COL23A1: variants seen among roughly 807,000 people sequenced by gnomAD.
The protein encoded by COL23A1 is collagen type XXIII alpha 1 chain.
COL23A1 carries 97 observed loss-of-function variants against 99.3 expected under a neutral mutation model. The ratio of observed to expected loss-of-function variants is 0.98; its 90% CI spans 0.83 to 1.16. The LOEUF (loss-of-function observed/expected upper bound fraction) is 1.16, where lower values mean the gene tolerates loss of function less well. Ranked by LOEUF, COL23A1 falls within the 50% of genes most tolerant of loss-of-function variation. The pLI, the probability that COL23A1 is intolerant of heterozygous loss-of-function variation, is 0.00. For synonymous variants in COL23A1, 320 were observed against 308.2 expected, an observed-to-expected ratio of 1.04 and a Z score of -0.40; for missense variants, 762 against 757.4, an observed-to-expected ratio of 1.01 and a Z score of -0.07.
intron 2 of COL23A1, among the ~76,000 whole-genome samples, chr5:178,379,874 T>A (rs1763284440): frequency 7.6e-6 from 1 of 130,786 alleles, no homozygotes; most frequent in East Asian, 2.2e-4. Flanking sequence ...AGAGCGAAAC[T>A]CCATCTCAAA....
At chr5:178,295,778 C>T (rs186369115) in intron 3 of COL23A1, among the ~76,000 whole-genome samples, 4 of 152,342 alleles carry the variant, frequency 2.6e-5, no homozygotes, top group Admixed American at 1.3e-4. Flanking sequence ...GAATACTATG[C>T]AGCCATGAAA....
chr5:178,518,045 C>G (rs1371096043), intron 2 of COL23A1, among the ~76,000 whole-genome samples: 3 of 128,280 alleles, frequency 2.3e-5, no homozygotes, highest in Non-Finnish European at 4.7e-5. Context: ...ACCCTGCGGC[C>G]TTCCGCAGTG....
intron 2 of COL23A1, among the ~76,000 whole-genome samples, chr5:178,503,664 GGA>G (rs1192941207): frequency 3.9e-5 from 6 of 151,998 alleles, no homozygotes; most frequent in African/African-American, 7.2e-5. Context: ...AGGGAGGGAG[GGA>G]GAGAGAGATA....
At chr5:178,356,610 C>T (rs1241667771) in intron 2 of COL23A1, among the ~76,000 whole-genome samples, 2 of 145,618 alleles carry the variant, frequency 1.4e-5, no homozygotes, top group East Asian at 2.0e-4. Context: ...GGAGAGAAGG[C>T]GAGACACAGG....
chr5:178,386,420 G>A (rs1303784897), intron 2 of COL23A1, among the ~76,000 whole-genome samples: 1 of 148,482 alleles, frequency 6.7e-6, no homozygotes, highest in Non-Finnish European at 1.5e-5. Flanking sequence ...GCTTGGCAGA[G>A]AGAGCGAGAC....
chr5:178,390,342 G>A (rs1763901108), intron 2 of COL23A1, among the ~76,000 whole-genome samples: 1 of 152,224 alleles, frequency 6.6e-6, no homozygotes, highest in African/African-American at 2.4e-5. Context: ...GGACAGCAGG[G>A]AGCAAGGAGG....
intron 27 of COL23A1, among the ~76,000 whole-genome samples, chr5:178,240,493 C>A (rs1764335477): frequency 6.6e-6 from 1 of 152,212 alleles, no homozygotes; most frequent in Admixed American, 6.5e-5. Context: ...CTCGCAGGGC[C>A]CCGCCAGCCT....
rs933015256 is a variant in COL23A1, at chr5:178,308,727, C to T, written c.362-1808G>A. Among the ~76,000 whole-genome samples, 2 of 152,162 alleles carry T rather than the reference C, an allele frequency of 1.3e-5. No individual in the cohort carries two copies. Among genetic ancestry groups the T allele is most frequent in the South Asian group, 2.1e-4 (1 of 4,834 alleles). Reference sequence around the variant, plus strand: ...TTGGTCTCCTCCCCAGTGCCCTGTGCGGGGCTGATGGTGCCTGGGAACCTC... The same window carrying T: ...TTGGTCTCCTCCCCAGTGCCCTGTGTGGGGCTGATGGTGCCTGGGAACCTC... On this transcript the variant is annotated intron_variant, in intron 2 of 28. Transcript: ENST00000390654. This position sits in a 1 kb window ranked among gnomAD's most constrained non-coding sequence, Gnocchi z 5.1.
At chr5:178,530,441 G>A (rs62391088) in intron 2 of COL23A1, among the ~76,000 whole-genome samples, 4,294 of 152,152 alleles carry the variant, frequency 0.028, 125 homozygotes, top group Admixed American at 0.086. Context: ...AAGTCTGGGT[G>A]ACAGAGAAAG....
intron 2 of COL23A1, among the ~76,000 whole-genome samples, chr5:178,490,532 C>T (rs2127968364): frequency 6.6e-6 from 1 of 151,866 alleles, no homozygotes; most frequent in Middle Eastern, 3.4e-3. Context: ...GTGATGGCTG[C>T]ACAATACTGT....
rs1562025559 is a variant in COL23A1, at chr5:178,498,234, ATATATATATATATATATATAT to A, written c.361+62427_361+62447del. ...TATATATATATATATATATATATAT[ATATATATATATATATATATAT>A]ATAAAAGAACTTAAAAATAAAAAAA... On this transcript the variant is annotated intron_variant, in intron 2 of 28. Transcript: ENST00000390654. Among the ~76,000 whole-genome samples, 367 of 58,722 alleles carry A rather than the reference ATATATATATATATATATATAT, an allele frequency of 6.2e-3. 16 individuals carry two copies. Among genetic ancestry groups the A allele is most frequent in the East Asian group, 0.062 (83 of 1,330 alleles). 38.5% of individuals were successfully genotyped at this position (58,722 alleles called of 152,430 possible).
chr5:178,580,034 TA>T (rs1763580473), intron 1 of COL23A1, among the ~76,000 whole-genome samples: 1 of 151,948 alleles, frequency 6.6e-6, no homozygotes, highest in Non-Finnish European at 1.5e-5. Context: ...GTTGAGAAAC[TA>T]GAGGACATGA....
intron 1 of COL23A1, among the ~76,000 whole-genome samples, chr5:178,576,433 C>T (rs1763362332): frequency 6.6e-6 from 1 of 152,188 alleles, no homozygotes; most frequent in Admixed American, 6.5e-5. Context: ...CGGGGTTTCG[C>T]CATACTGGCG....
At chr5:178,382,573 G>T (rs879814597) in intron 2 of COL23A1, among the ~76,000 whole-genome samples, 5 of 152,154 alleles carry the variant, frequency 3.3e-5, no homozygotes, top group African/African-American at 1.2e-4. Flanking sequence ...TGGCCAGAGT[G>T]GGGGGTGAGG....
intron 1 of COL23A1, among the ~76,000 whole-genome samples, chr5:178,585,390 C>A (rs544693603): frequency 1.3e-5 from 2 of 150,378 alleles, no homozygotes; most frequent in East Asian, 2.0e-4. Context: ...TAACACTCCG[C>A]GGCCCTGACT....
chr5:178,543,029 C>A (rs1019198756), intron 2 of COL23A1, among the ~76,000 whole-genome samples: 5 of 151,828 alleles, frequency 3.3e-5, no homozygotes, highest in Admixed American at 3.3e-4. Flanking sequence ...GATGCGAGTA[C>A]AGGGAGACTT....
chr5:178,450,137 G>A (rs1016803976), intron 2 of COL23A1, among the ~76,000 whole-genome samples: 1 of 152,116 alleles, frequency 6.6e-6, no homozygotes, highest in East Asian at 1.9e-4. Flanking sequence ...AAAACATAAT[G>A]CCAGACCCTG....
chr5:178,417,457 G>C (rs969063021), intron 2 of COL23A1, among the ~76,000 whole-genome samples: 4 of 152,080 alleles, frequency 2.6e-5, no homozygotes, highest in African/African-American at 9.7e-5. Flanking sequence ...CTGTGCTTCC[G>C]ATCACTGCCC....
At chr5:178,360,537 C>T (rs960066882) in intron 2 of COL23A1, among the ~76,000 whole-genome samples, 2 of 152,168 alleles carry the variant, frequency 1.3e-5, no homozygotes, top group African/African-American at 2.4e-5. Flanking sequence ...GAGAACTGAC[C>T]GCACACAGAT....
Sources: gnomAD v4.1 joint callset for allele counts (sites outside exome capture counted in the v4.1 genomes callset) on GRCh38, gnomAD v4.1.1 for gene constraint, Gnocchi (gnomAD v3.1) non-coding constraint, MANE v1.5 for transcripts, NCBI Gene and HGNC (gene_info 2026-07-23, HGNC 2026-07-21) for gene names.